The following CCDC33 variants were observed in gnomAD, a reference collection of about 807,000 sequenced individuals.
CCDC33 encodes the protein coiled-coil domain-containing protein 33.
A neutral mutation model predicts 91.9 loss-of-function variants in CCDC33; 94 were observed. That is an observed-to-expected ratio of 1.02 (90% confidence interval 0.87 to 1.21). CCDC33 has a LOEUF of 1.21. CCDC33 is among the 50% of genes most tolerant of loss of function. CCDC33 has a pLI of 0.00. For missense variants in CCDC33, 940 were observed against 935.5 expected (o/e 1.00, Z -0.06); for synonymous variants, 396 against 374.5 (o/e 1.06, Z -0.66).
intron 11 of CCDC33, among the ~76,000 whole-genome samples, chr15:74,313,415 CTTTTTTTT>C (rs35519774): frequency 2.1e-5 from 2 of 94,182 alleles, no homozygotes; most frequent in Admixed American, 1.3e-4. Flanking sequence ...TTCTTTCTTT[CTTTTTTTT>C]TTTTTTTTTT....
In CCDC33 at chr15:74,268,350, G is replaced by A. The variant is rs1246401993; in HGVS notation, c.438G>A (p.Glu146=). The change falls in exon 5 of 19, where the codon GAG becomes GAA. Residue 146 remains glutamate, a synonymous_variant. Coordinates refer to ENST00000398814, the MANE Select transcript of CCDC33 (RefSeq NM_025055.5). ...PYHFELVKPT[E]SGKADEATAK... The stretch of plus-strand genomic sequence containing the variant: ...CCCAACCCTGTCTCCAGCCCACTGA[G>A]TCTGGGAAAGCCGATGAAGCCACTG... 2 of 1,613,312 alleles carry A rather than the reference G, an allele frequency of 1.2e-6. No homozygotes were observed. The highest frequency in any genetic ancestry group is 1.7e-6 in the Non-Finnish European group (2 of 1,179,318).
intron 2 of CCDC33, among the ~76,000 whole-genome samples, chr15:74,225,853 G>A (rs1450529092): frequency 6.6e-6 from 1 of 152,162 alleles, no homozygotes; most frequent in Non-Finnish European, 1.5e-5. Flanking sequence ...GTGAGGGGTA[G>A]GGCTGTTAGG....
intron 1 of CCDC33, among the ~76,000 whole-genome samples, chr15:74,242,931 T>C (rs112896131): frequency 0.052 from 7,970 of 152,190 alleles, 269 homozygotes; most frequent in Admixed American, 0.11. Context: ...TCCTGGCCTG[T>C]CCTCCCTGAC....
At chr15:74,275,290 C>T (rs1011916820) in intron 7 of CCDC33, among the ~76,000 whole-genome samples, 1 of 152,202 alleles carries the variant, frequency 6.6e-6, no homozygotes, top group African/African-American at 2.4e-5. Context: ...TGATTCCAAT[C>T]TGTTAGGAGA....
chr15:74,329,373 A>G (rs1330449473), intron 11 of CCDC33, among the ~76,000 whole-genome samples: 1 of 152,142 alleles, frequency 6.6e-6, no homozygotes, highest in Non-Finnish European at 1.5e-5. Flanking sequence ...TGGCTCTATC[A>G]CTAATCAGTC....
At chr15:74,258,669 T>G (rs1254973582) in intron 2 of CCDC33, among the ~76,000 whole-genome samples, 1 of 152,276 alleles carries the variant, frequency 6.6e-6, no homozygotes, top group East Asian at 1.9e-4. Flanking sequence ...TGTGTGTGTA[T>G]GTATGTGTGG....
chr15:74,323,451 A>T (rs142334945), intron 11 of CCDC33, among the ~76,000 whole-genome samples: 56 of 151,998 alleles, frequency 3.7e-4, no homozygotes, highest in African/African-American at 1.2e-3. Flanking sequence ...CCTCCCAGCC[A>T]CACCCCTCCT....
downstream of CCDC33, chr15:74,336,234 A>G: frequency 7.0e-7 from 1 of 1,424,204 alleles, no homozygotes; most frequent in Non-Finnish European, 9.2e-7. Context: ...CTTCTGCTGC[A>G]GCCTTACAGC....
At chr15:74,220,073 G>T (rs2074550607) in intron 2 of CCDC33, among the ~76,000 whole-genome samples, 1 of 152,188 alleles carries the variant, frequency 6.6e-6, no homozygotes, top group Admixed American at 6.5e-5. Flanking sequence ...AGCAGAGGTG[G>T]ATGTTCATTT....
At chr15:74,225,746 G>A (rs16966972) in intron 2 of CCDC33, among the ~76,000 whole-genome samples, 15 of 152,282 alleles carry the variant, frequency 9.9e-5, no homozygotes, top group African/African-American at 2.2e-4. Context: ...AAAACCCTGC[G>A]TGAAACCCAT....
intron 5 of CCDC33, 36 bp downstream of exon 5, chr15:74,268,494 G>GA: frequency 2.1e-6 from 3 of 1,449,950 alleles, no homozygotes; most frequent in Non-Finnish European, 2.9e-6. Context: ...TGGTGGTGGG[G>GA]GTGGGAAAGG....
chr15:74,290,834 G>A (rs746065844), intron 10 of CCDC33, among the ~76,000 whole-genome samples: 7 of 152,190 alleles, frequency 4.6e-5, no homozygotes, highest in African/African-American at 7.2e-5. Context: ...AGTAGGATGT[G>A]ATTTCATCTG....
intron 1 of CCDC33, among the ~76,000 whole-genome samples, chr15:74,241,763 A>G (rs1034558952): frequency 2.0e-5 from 3 of 152,228 alleles, no homozygotes; most frequent in African/African-American, 7.2e-5. Context: ...GATGCTGAGA[A>G]GGGTCAGAGT....
intron 10 of CCDC33, among the ~76,000 whole-genome samples, chr15:74,294,746 C>CAAAAAAAAAAAAAAAAAAAAAA (rs57792647): frequency 7.8e-6 from 1 of 127,410 alleles, no homozygotes. Context: ...GACTCTGTCT[C>CAAAAAAAAAAAAAAAAAAAAAA]AAAAAAAAAA....
intron 10 of CCDC33, among the ~76,000 whole-genome samples, chr15:74,292,171 C>A (rs1369909717): frequency 6.6e-6 from 1 of 152,244 alleles, no homozygotes; most frequent in East Asian, 1.9e-4. Flanking sequence ...GGTGGGCCAG[C>A]AGCCCCCACC....
chr15:74,330,581 A>G, intron 12 of CCDC33, 82 bp from the exon 13 acceptor site: 2 of 1,248,116 alleles, frequency 1.6e-6, no homozygotes, highest in Non-Finnish European at 2.3e-6. Flanking sequence ...GCCAAGGGAT[A>G]TCTGCCTTCC....
chr15:74,262,554 T>C lies in CCDC33; in HGVS notation c.300T>C (p.Ala100=). 6.2e-7 allele frequency: 1 copy of C among 1,613,230 alleles called. No homozygotes were observed. The highest frequency in any genetic ancestry group is 2.2e-5 in the East Asian group (1 of 44,856). The change falls in exon 3 of 19, where the codon GCT becomes GCC. Residue 100 remains alanine, a synonymous_variant. Transcript: ENST00000398814. ...ACACGGTGAATGTGGAGATCCAAGCTGAGGATGCAGGGCAAGAAGGTAAGC... is the reference window on the plus strand; with the variant it reads ...ACACGGTGAATGTGGAGATCCAAGCCGAGGATGCAGGGCAAGAAGGTAAGC... ...WGDTVNVEIQ[A]EDAGQEDVIL... is the part of the protein sequence containing the mutation.
intron 7 of CCDC33, among the ~76,000 whole-genome samples, chr15:74,273,627 C>G (rs886135633): frequency 6.6e-6 from 1 of 151,888 alleles, no homozygotes; most frequent in Non-Finnish European, 1.5e-5. Context: ...TGCCACCATG[C>G]CTGGCTAATT....
Position 74,209,225 on chromosome 15 carries a change from A to T in CCDC33, n.90-163A>T. 10 of 1,085,842 alleles carry T rather than the reference A, an allele frequency of 9.2e-6. 1 individual carries two copies. In the South Asian group the frequency reaches 1.5e-4, roughly 16 times the overall value. The allele number at this position is 1,085,842 out of a possible 1,614,324, so 67.3% of individuals were successfully genotyped here. A position where few individuals can be genotyped will look rare whatever the true frequency, so the allele number is the denominator to read the frequency against. On this transcript the variant is annotated intron_variant and non_coding_transcript_variant, in intron 1 of 3. Transcript: ENST00000558645. Reference sequence around the variant, plus strand: ...GTCTCCAGCGGTATAGCCTCTCCACACCCCCAAACCGTTTGCTCGAAACTT... The same window carrying T: ...GTCTCCAGCGGTATAGCCTCTCCACTCCCCCAAACCGTTTGCTCGAAACTT...
Sources: gnomAD v4.1 joint callset for allele counts (sites outside exome capture counted in the v4.1 genomes callset) on GRCh38, gnomAD v4.1.1 for gene constraint, MANE v1.5 for transcripts, NCBI Gene and HGNC (gene_info 2026-07-23, HGNC 2026-07-21) for gene names.